NRXN1: variants seen among roughly 807,000 people sequenced by gnomAD.
NRXN1 encodes neurexin-1.
Under a neutral mutation model 150.9 loss-of-function variants are expected in NRXN1, and 39 were observed. The observed-to-expected ratio is 0.26, with a 90% CI of 0.20 to 0.34. NRXN1 has a LOEUF of 0.34. Among genes scored for constraint, NRXN1 ranks in the 10% least tolerant of loss-of-function variants. The probability of loss-of-function intolerance (pLI) is 1.00; values close to 1 mark genes in which losing one functional copy is unlikely to be tolerated. For synonymous variants in NRXN1, 924 were observed against 757.0 expected (o/e 1.22, Z -3.62); for missense variants, 1,815 against 1,949.9 (o/e 0.93, Z 1.30).
intron 17 of NRXN1, among the ~76,000 whole-genome samples, chr2:50,299,077 G>C (rs17040441): frequency 0.084 from 12,779 of 152,080 alleles, 628 homozygotes; most frequent in Middle Eastern, 0.14. Flanking sequence ...TTGGGGAATT[G>C]GGCTACATAA....
chr2:50,177,149 A>G (rs531335936), intron 18 of NRXN1, among the ~76,000 whole-genome samples: 2 of 152,114 alleles, frequency 1.3e-5, no homozygotes, highest in Non-Finnish European at 2.9e-5. Flanking sequence ...TGCTTGTTAC[A>G]TGGATATTAC....
intron 17 of NRXN1, among the ~76,000 whole-genome samples, chr2:50,399,580 C>T (rs963113539): frequency 4.6e-5 from 7 of 151,736 alleles, no homozygotes; most frequent in African/African-American, 1.2e-4. Flanking sequence ...TTCATGGGTG[C>T]CCCTTGCCCA....
intron 11 of NRXN1, among the ~76,000 whole-genome samples, chr2:50,529,637 A>G (rs2093046043): frequency 6.6e-6 from 1 of 152,214 alleles, no homozygotes; most frequent in South Asian, 2.1e-4. Flanking sequence ...CGTCAACCGC[A>G]TCAGAAAAGT....
At chr2:49,996,939 T>C (rs986990263) in intron 21 of NRXN1, among the ~76,000 whole-genome samples, 2 of 152,258 alleles carry the variant, frequency 1.3e-5, no homozygotes, top group African/African-American at 4.8e-5. Context: ...TCTCTCTTGG[T>C]GTACCTCAAC....
At chr2:50,433,519 A>G (rs1490479258) in intron 17 of NRXN1, among the ~76,000 whole-genome samples, 1 of 151,682 alleles carries the variant, frequency 6.6e-6, no homozygotes, top group Non-Finnish European at 1.5e-5. Flanking sequence ...TATAAAACAC[A>G]TTACAGTTGT....
Position 51,028,370 on chromosome 2 carries a change from A to C in NRXN1, c.-97T>G. On this transcript the variant is annotated 5_prime_UTR_variant, in exon 2 of 23. Coordinates refer to ENST00000401669, the MANE Select transcript of NRXN1 (RefSeq NM_001330078.2). ...AGAAATAAGGGTCCCGAGAGACAGAAAGGTAAGGGGAAAGGCGGGAGTGAG... is the reference window on the plus strand; with the variant it reads ...AGAAATAAGGGTCCCGAGAGACAGACAGGTAAGGGGAAAGGCGGGAGTGAG... 1.2e-6 allele frequency: 1 copy of C among 801,408 alleles called. No homozygotes were observed. Among genetic ancestry groups the C allele is most frequent in the South Asian group, 2.6e-5 (1 of 38,212 alleles). 49.6% of individuals were successfully genotyped at this position (801,408 alleles called of 1,614,324 possible).
chr2:49,990,248 G>T (rs1681692559), intron 21 of NRXN1, among the ~76,000 whole-genome samples: 1 of 152,102 alleles, frequency 6.6e-6, no homozygotes, highest in Admixed American at 6.6e-5. Flanking sequence ...CTGTCCCAGT[G>T]AATAACTACT....
intron 17 of NRXN1, among the ~76,000 whole-genome samples, chr2:50,398,472 T>C (rs754038522): frequency 6.6e-6 from 1 of 151,738 alleles, no homozygotes; most frequent in Non-Finnish European, 1.5e-5. Context: ...AAGGTTATTA[T>C]GTTAGGCAGA....
chr2:50,268,112 C>T (rs2069115810), intron 17 of NRXN1, among the ~76,000 whole-genome samples: 1 of 152,110 alleles, frequency 6.6e-6, no homozygotes, highest in Non-Finnish European at 1.5e-5. Context: ...TTTGCTTGAA[C>T]CCGGAAGGCA....
Position 50,367,517 on chromosome 2 carries a change from C to G in NRXN1, c.3364+97925G>C, listed in dbSNP as rs532294304. On this transcript the variant is annotated intron_variant, in intron 17 of 22. Transcript: ENST00000401669. The stretch of plus-strand genomic sequence containing the variant: ...CACTTACTCTGCAACAGGATCTGTA[C>G]CAAGCCCTGGACTCATTCAGAAATA... Among the ~76,000 whole-genome samples the G allele has an allele frequency of 2.0e-5, 3 of 152,078 alleles. No homozygotes were observed. In the South Asian group the frequency reaches 6.2e-4, roughly 32 times the overall value.
At chr2:50,764,055 C>A (rs1702121934) in intron 5 of NRXN1, among the ~76,000 whole-genome samples, 1 of 151,236 alleles carries the variant, frequency 6.6e-6, no homozygotes, top group Non-Finnish European at 1.5e-5. Context: ...GAACATCCCT[C>A]CTCCCTTGTC....
At chr2:50,113,131 T>C (rs1385225050) in intron 18 of NRXN1, among the ~76,000 whole-genome samples, 1 of 152,216 alleles carries the variant, frequency 6.6e-6, no homozygotes, top group South Asian at 2.1e-4. Flanking sequence ...ATGGCATTTT[T>C]GCAACACATC....
chr2:50,948,744 G>T (rs531699786), intron 2 of NRXN1, among the ~76,000 whole-genome samples: 1 of 151,962 alleles, frequency 6.6e-6, no homozygotes, highest in Non-Finnish European at 1.5e-5. Flanking sequence ...CACTAATTGA[G>T]CCCAGTTACT....
intron 19 of NRXN1, among the ~76,000 whole-genome samples, chr2:50,079,282 A>T (rs1435410188): frequency 6.6e-6 from 1 of 152,044 alleles, no homozygotes; most frequent in African/African-American, 2.4e-5. Context: ...GGGTCAATAA[A>T]GTATGCCCTA....
intron 5 of NRXN1, among the ~76,000 whole-genome samples, chr2:50,836,472 T>C (rs983830106): frequency 6.6e-6 from 1 of 152,176 alleles, no homozygotes; most frequent in Admixed American, 6.5e-5. Context: ...ATTCCCCTTT[T>C]GCCATCCAAC....
chr2:50,698,331 C>T (rs535901938), intron 5 of NRXN1, among the ~76,000 whole-genome samples: 1 of 152,228 alleles, frequency 6.6e-6, no homozygotes, highest in African/African-American at 2.4e-5. Context: ...TGTCTAGAGG[C>T]CAAAGGATAT....
rs181033560 is a variant in NRXN1, at chr2:49,946,637, G to C, written c.4129-2846C>G. On this transcript the variant is annotated intron_variant, in intron 21 of 22. Coordinates refer to ENST00000401669, the MANE Select transcript of NRXN1 (RefSeq NM_001330078.2). ...TTTCCCAACACCATTTATTAAATAGGGAATCCTTTCCTCATTCCTTGTTTT... is the reference window on the plus strand; with the variant it reads ...TTTCCCAACACCATTTATTAAATAGCGAATCCTTTCCTCATTCCTTGTTTT... Among the ~76,000 whole-genome samples the C allele has an allele frequency of 4.3e-3, 659 of 152,166 alleles. 3 individuals carry two copies. Among genetic ancestry groups the C allele is most frequent in the African/African-American group, 0.015 (604 of 41,520 alleles).
chr2:50,964,628 C>T (rs1252651079), intron 2 of NRXN1, among the ~76,000 whole-genome samples: 1 of 151,374 alleles, frequency 6.6e-6, no homozygotes, highest in African/African-American at 2.4e-5. Flanking sequence ...TTGAGAAACA[C>T]GCTTCAGTAC....
chr2:50,079,767 T>A (rs941949622), intron 19 of NRXN1, among the ~76,000 whole-genome samples: 5 of 152,096 alleles, frequency 3.3e-5, no homozygotes, highest in Non-Finnish European at 7.4e-5. Context: ...AATTATCTAG[T>A]AAGAGGAGCG....
Sources: gnomAD v4.1 joint callset for allele counts (sites outside exome capture counted in the v4.1 genomes callset) on GRCh38, gnomAD v4.1.1 for gene constraint, MANE v1.5 for transcripts, NCBI Gene and HGNC (gene_info 2026-07-23, HGNC 2026-07-21) for gene names.